Variants in SUN3 observed in about 807,000 individuals in gnomAD.
The protein encoded by SUN3 is SUN domain-containing protein 3.
Under a neutral mutation model 48.2 loss-of-function variants are expected in SUN3, and 36 were observed. That is an observed-to-expected ratio of 0.75 (90% confidence interval 0.57 to 0.99). The LOEUF is 0.99. SUN3 is among the 50% of genes least tolerant of loss of function. The pLI is 0.00. For missense variants in SUN3, 419 were observed against 433.1 expected (o/e 0.97, Z 0.29); for synonymous variants, 148 against 147.9 (o/e 1.00, Z 0.00).
chr7:48,019,977 C>CAAAAAAAAAAAAAAA (rs869166401), intron 2 of SUN3, among the ~76,000 whole-genome samples: 643 of 63,570 alleles, frequency 0.01, no homozygotes, highest in Non-Finnish European at 0.016. Context: ...AAAGACACAT[C>CAAAAAAAAAAAAAAA]AAAAAAAAAA....
At chr7:48,024,054 C>T (rs545156527) in intron 2 of SUN3, among the ~76,000 whole-genome samples, 1 of 152,226 alleles carries the variant, frequency 6.6e-6, no homozygotes, top group African/African-American at 2.4e-5. Context: ...GAAGTTGGAT[C>T]CCTTGCATCA....
At chr7:48,019,977 C>CAAAAAAAAAAAAAAAAAAAAA (rs869166401) in intron 2 of SUN3, among the ~76,000 whole-genome samples, 5 of 64,142 alleles carry the variant, frequency 7.8e-5, no homozygotes, top group African/African-American at 1.3e-4. Context: ...AAAGACACAT[C>CAAAAAAAAAAAAAAAAAAAAA]AAAAAAAAAA....
chr7:47,995,049 A>G (rs975151197), intron 7 of SUN3, among the ~76,000 whole-genome samples: 1 of 151,038 alleles, frequency 6.6e-6, no homozygotes, highest in Non-Finnish European at 1.5e-5. Flanking sequence ...GTGGTGGTAG[A>G]GGTAATGGTG....
At chr7:47,988,194 A>G (rs1403463953) in intron 9 of SUN3, among the ~76,000 whole-genome samples, 1 of 152,224 alleles carries the variant, frequency 6.6e-6, no homozygotes, top group Admixed American at 6.5e-5. Flanking sequence ...TTGGCCAAAA[A>G]GTGTCATAAA....
At chr7:47,997,602 C>A (rs1789248372) in intron 6 of SUN3, among the ~76,000 whole-genome samples, 3 of 152,174 alleles carry the variant, frequency 2.0e-5, no homozygotes. Flanking sequence ...CTATACAATT[C>A]ACTCATTTAC....
At chr7:48,007,078 G>A (rs958889410) in intron 5 of SUN3, 87 bp downstream of exon 5, 12 of 1,322,658 alleles carry the variant, frequency 9.1e-6, no homozygotes, top group African/African-American at 1.5e-5. Context: ...ATGTGACATC[G>A]GAAGGACATA....
intron 3 of SUN3, among the ~76,000 whole-genome samples, chr7:48,009,794 A>G (rs1056505779): frequency 6.6e-6 from 1 of 152,104 alleles, no homozygotes; most frequent in Admixed American, 6.5e-5. Flanking sequence ...CACTGGGAAG[A>G]TAGAGCATGC....
intron 3 of SUN3, among the ~76,000 whole-genome samples, chr7:48,016,777 A>G (rs1313580341): frequency 6.6e-6 from 1 of 152,234 alleles, no homozygotes; most frequent in African/African-American, 2.4e-5. Flanking sequence ...CTATAACAGA[A>G]TACCACAGCC....
intron 2 of SUN3, among the ~76,000 whole-genome samples, chr7:48,018,111 C>A (rs144718124): frequency 6.6e-6 from 1 of 152,264 alleles, no homozygotes; most frequent in East Asian, 1.9e-4. Context: ...GGTTGCACCT[C>A]TGGTGGATCT....
At chr7:48,007,400 C>A (rs1439658040) in intron 4 of SUN3, 73 bp from the exon 5 acceptor site, 9 of 1,434,178 alleles carry the variant, frequency 6.3e-6, no homozygotes, top group Non-Finnish European at 7.7e-6. Context: ...CTGGGCTCCA[C>A]CCGCCATGTG....
intron 1 of SUN3, 80 bp downstream of exon 1, chr7:48,028,737 A>G (rs1298375389): frequency 2.6e-6 from 4 of 1,544,544 alleles, no homozygotes; most frequent in East Asian, 4.5e-5. Flanking sequence ...GTAACAGGTA[A>G]CAGATGAACA....
At chr7:48,001,243 T>G (rs1789358336) in intron 6 of SUN3, among the ~76,000 whole-genome samples, 1 of 152,170 alleles carries the variant, frequency 6.6e-6, no homozygotes, top group Non-Finnish European at 1.5e-5. Flanking sequence ...TCTCTCACCC[T>G]CCATCCTCCA....
intron 3 of SUN3, among the ~76,000 whole-genome samples, chr7:48,015,076 C>A (rs939454401): frequency 1.3e-5 from 2 of 152,134 alleles, no homozygotes; most frequent in Non-Finnish European, 2.9e-5. Context: ...AACATCTGGG[C>A]GCCATGGCCT....
At chr7:47,991,191 A>C (rs1316209865) in intron 8 of SUN3, 1 of 357,332 alleles carries the variant, frequency 2.8e-6, no homozygotes, top group African/African-American at 2.2e-5. Flanking sequence ...AGCTGGGATC[A>C]CAGGAGCAGA....
chr7:47,998,729 G>A (rs970072812), intron 6 of SUN3, among the ~76,000 whole-genome samples: 1 of 151,760 alleles, frequency 6.6e-6, no homozygotes, highest in African/African-American at 2.4e-5. Context: ...GTGGGTTTTG[G>A]GCCAAGGCTT....
intron 3 of SUN3, among the ~76,000 whole-genome samples, chr7:48,013,209 T>C (rs948919048): frequency 6.6e-6 from 1 of 152,230 alleles, no homozygotes; most frequent in Non-Finnish European, 1.5e-5. Flanking sequence ...CTCTGGAATA[T>C]GCAGTGGTGT....
At chr7:48,033,803 C>T (rs1790283128), upstream of SUN3, among the ~76,000 whole-genome samples, 2 of 152,074 alleles carry the variant, frequency 1.3e-5, no homozygotes, top group South Asian at 4.1e-4. Flanking sequence ...TGCCTGTAAT[C>T]CCAGCACTTT....
intron 2 of SUN3, among the ~76,000 whole-genome samples, chr7:48,023,146 T>C (rs561314967): frequency 2.0e-5 from 3 of 152,274 alleles, no homozygotes; most frequent in African/African-American, 7.2e-5. Flanking sequence ...CTCCTTCTTT[T>C]ATTTCTTTCA....
At chr7:48,029,873 A>G (rs1790230976), upstream of SUN3, among the ~76,000 whole-genome samples, 1 of 151,652 alleles carries the variant, frequency 6.6e-6, no homozygotes, top group Admixed American at 6.6e-5. Flanking sequence ...TCTTATCTTC[A>G]TTTCTCTGTT....
Sources: allele counts gnomAD v4.1 joint callset (sites outside exome capture counted in the v4.1 genomes callset), GRCh38; gene constraint gnomAD v4.1.1; transcripts MANE v1.5; gene names NCBI Gene and HGNC (gene_info 2026-07-23, HGNC 2026-07-21).